The following SPTAN1 variants were observed in gnomAD, a reference collection of about 807,000 sequenced individuals.
SPTAN1 encodes spectrin alpha chain, non-erythrocytic 1.
SPTAN1 carries 61 observed loss-of-function variants against 331.3 expected under a neutral mutation model. That is an observed-to-expected ratio of 0.18 (90% CI 0.15 to 0.23). SPTAN1 has a LOEUF of 0.23. SPTAN1 is among the 10% of genes least tolerant of loss of function. SPTAN1 has a pLI of 1.00. For synonymous variants in SPTAN1, 1,153 were observed against 1,173.9 expected, an observed-to-expected ratio of 0.98 and a Z score of 0.36; for missense variants, 2,043 against 3,147.9, an observed-to-expected ratio of 0.65 and a Z score of 8.40.
intron 32 of SPTAN1, 58 bp from the exon 33 acceptor site, chr9:128,607,794 T>A: frequency 6.2e-7 from 1 of 1,611,950 alleles, no homozygotes; most frequent in South Asian, 1.1e-5. Flanking sequence ...GAGTCGGTGG[T>A]TGACGTCAGA....
At chr9:128,599,151 T>C (rs1234973683) in intron 26 of SPTAN1, 165 bp downstream of exon 26, 9 of 757,572 alleles carry the variant, frequency 1.2e-5, no homozygotes, top group Non-Finnish European at 1.9e-5. Flanking sequence ...TTCTTTTTTT[T>C]TGAGACGGAG....
At chr9:128,615,399 G>A (rs1189952958) in intron 40 of SPTAN1, among the ~76,000 whole-genome samples, 1 of 152,058 alleles carries the variant, frequency 6.6e-6, no homozygotes, top group East Asian at 1.9e-4. Context: ...GCACCAGCAT[G>A]TCCCCTCCTC....
chr9:128,567,437 G>A (rs981933773), intron 2 of SPTAN1, among the ~76,000 whole-genome samples: 6 of 151,900 alleles, frequency 3.9e-5, no homozygotes, highest in African/African-American at 7.3e-5. Flanking sequence ...GATTACAGGC[G>A]CCTGCCACTG....
Position 128,566,922 on chromosome 9 carries a change from A to G in SPTAN1, c.182A>G (p.Gln61Arg). Residue 61 changes from glutamine (Q) to arginine (R), a missense_variant, in exon 2 of 57, where the codon CAG becomes CGG. Physicochemically the swap from Gln to Arg is conservative, Grantham distance 43. This residue lies in a region of SPTAN1 where 1,038 missense variants were observed against 1,531.5 expected (regional missense o/e 0.68). Coordinates refer to ENST00000372739, the MANE Select transcript of SPTAN1 (RefSeq NM_001130438.3). ...RDAEELEKWI[Q>R]EKLQIASDEN... ...GCTGAAGAGCTGGAGAAATGGATAC[A>G]GGAAAAACTTCAGATTGCATCTGAT... 6.2e-7 allele frequency: 1 copy of G among 1,614,236 alleles called. No homozygotes were observed. The highest frequency in any genetic ancestry group is 8.5e-7 in the Non-Finnish European group (1 of 1,180,038).
chr9:128,627,912 C>A lies in SPTAN1; in HGVS notation c.6690-13C>A. 6.2e-7 allele frequency: 1 copy of A among 1,614,190 alleles called. No homozygotes were observed. Among genetic ancestry groups the A allele is most frequent in the Non-Finnish European group, 8.5e-7 (1 of 1,180,012 alleles). ...CACCTTGTCTCCCGGCTGCTTGGAT[C>A]TGCTCTCCACAGGACATACCTCCTC... On this transcript the variant is annotated splice_polypyrimidine_tract_variant and intron_variant, in intron 50 of 56. Coordinates refer to ENST00000372739, the MANE Select transcript of SPTAN1 (RefSeq NM_001130438.3). The surrounding 1 kb of genome is among the most constrained non-coding windows in gnomAD (Gnocchi z 4.9).
At chr9:128,563,479 G>C (rs1849652254) in intron 1 of SPTAN1, among the ~76,000 whole-genome samples, 1 of 152,160 alleles carries the variant, frequency 6.6e-6, no homozygotes, top group Non-Finnish European at 1.5e-5. Context: ...TCCAAGATTG[G>C]TAATTCAGAT....
chr9:128,587,614 G>C lies in SPTAN1; in HGVS notation c.2787G>C (p.Leu929=). The change falls in exon 20 of 57, where the codon CTG becomes CTC. Residue 929 remains leucine, a synonymous_variant. Transcript: ENST00000372739. ...GKDEDSAEAL[L]KKHEALMSDL... ...TGTGGTTTTGGTTTCAGGCTCTACT[G>C]AAGAAACACGAAGCTTTGATGTCAG... 1 of 1,613,744 alleles carries C rather than the reference G, an allele frequency of 6.2e-7. No homozygotes were observed. Among genetic ancestry groups the C allele is most frequent in the Non-Finnish European group, 8.5e-7 (1 of 1,179,968 alleles).
chr9:128,629,852 G>T lies in SPTAN1; in HGVS notation c.6708-469G>T. ...CGTGCTCTCATTCCCCCTAGAATGGGGCTCCCTCCCTCAGGAACCTTGCCG... is the reference window on the plus strand; with the variant it reads ...CGTGCTCTCATTCCCCCTAGAATGGTGCTCCCTCCCTCAGGAACCTTGCCG... On this transcript the variant is annotated intron_variant, in intron 51 of 56. Transcript: ENST00000372739. This position sits in a 1 kb window ranked among gnomAD's most constrained non-coding sequence, Gnocchi z 4.9. The T allele has an allele frequency of 3.1e-6, 1 of 320,084 alleles. No individual in the cohort carries two copies. Among genetic ancestry groups the T allele is most frequent in the East Asian group, 8.0e-5 (1 of 12,474 alleles). 19.8% of individuals were successfully genotyped at this position (320,084 alleles called of 1,614,324 possible). A position where few individuals can be genotyped will look rare whatever the true frequency, so the allele number is the denominator to read the frequency against.
chr9:128,561,140 CG>C (rs765268035), intron 1 of SPTAN1, among the ~76,000 whole-genome samples: 71 of 151,418 alleles, frequency 4.7e-4, no homozygotes, highest in Admixed American at 7.2e-4. Flanking sequence ...GAGGCCGAGG[CG>C]GGCGGACCAC....
intron 56 of SPTAN1, 116 bp downstream of exon 56, chr9:128,633,071 A>G (rs1860067085): frequency 6.3e-7 from 1 of 1,593,192 alleles, no homozygotes; most frequent in Admixed American, 1.7e-5. Flanking sequence ...CCATTTACAA[A>G]TCAAACTCAG....
At position 128,615,738 on chromosome 9, in the gene SPTAN1, A is replaced by G; in HGVS notation, c.5255A>G (p.Gln1752Arg). ...AGGGACACCATCAACGGGCGCTTCCAGAAGATCAAGAGCATGGCGGCCTCC... is the reference window on the plus strand; with the variant it reads ...AGGGACACCATCAACGGGCGCTTCCGGAAGATCAAGAGCATGGCGGCCTCC... ...DKRDTINGRF[Q>R]KIKSMAASRR... The change falls in exon 41 of 57, where the codon CAG becomes CGG. Residue 1752 changes from glutamine (Q) to arginine (R), a missense_variant. Around this residue, in one of 12 missense-constraint regions of SPTAN1, gnomAD observed 323 missense variants for 581.1 expected, o/e 0.56. Transcript: ENST00000372739. The G allele has an allele frequency of 6.2e-7, 1 of 1,614,244 alleles. No homozygotes were observed. Among genetic ancestry groups the G allele is most frequent in the Non-Finnish European group, 8.5e-7 (1 of 1,180,040 alleles).
intron 1 of SPTAN1, chr9:128,555,253 C>A: frequency 1.2e-6 from 1 of 848,794 alleles, no homozygotes; most frequent in Admixed American, 2.8e-5. Context: ...GATTTTTAAT[C>A]TGTATTCATA....
Position 128,581,874 on chromosome 9 carries a change from C to T in SPTAN1, c.1554C>T (p.Ala518=). The T allele has an allele frequency of 6.2e-7, 1 of 1,612,938 alleles. No homozygotes were observed. The highest frequency in any genetic ancestry group is 8.5e-7 in the Non-Finnish European group (1 of 1,179,052). Residue 518 remains alanine (A), a synonymous_variant, in exon 12 of 57, where the codon GCC becomes GCT. Coordinates refer to ENST00000372739, the MANE Select transcript of SPTAN1 (RefSeq NM_001130438.3). Reference sequence around the variant, plus strand: ...AAGACTTTGAGAAATCCCTTAGTGCCCAGGAGGAAAAGATTACAGTAAGAC... The same window carrying T: ...AAGACTTTGAGAAATCCCTTAGTGCTCAGGAGGAAAAGATTACAGTAAGAC... ...KHEDFEKSLS[A]QEEKITALDE...
chr9:128,580,291 T>A (rs903306587), intron 10 of SPTAN1, among the ~76,000 whole-genome samples: 3 of 150,874 alleles, frequency 2.0e-5, no homozygotes, highest in South Asian at 4.2e-4. Flanking sequence ...TAAAAAAAAA[T>A]AAATAAATAA....
At chr9:128,571,095 C>T (rs1319025075) in intron 3 of SPTAN1, among the ~76,000 whole-genome samples, 2 of 152,072 alleles carry the variant, frequency 1.3e-5, no homozygotes, top group South Asian at 4.1e-4. Context: ...CAAAACCAGC[C>T]TGGGCAACAT....
intron 1 of SPTAN1, among the ~76,000 whole-genome samples, chr9:128,563,810 A>AT (rs1386642042): frequency 7.5e-5 from 11 of 147,444 alleles, no homozygotes; most frequent in African/African-American, 2.0e-4. Flanking sequence ...TGCCTGGATA[A>AT]TTTTTTTTTT....
chr9:128,584,342 G>A lies in SPTAN1; in HGVS notation c.2254G>A (p.Ala752Thr). Reference sequence around the variant, plus strand: ...GTTCCAAGATGCTGGCCATTTTGATGCAGAAAACATCAAGAAGAAACAGGA... The same window carrying A: ...GTTCCAAGATGCTGGCCATTTTGATACAGAAAACATCAAGAAGAAACAGGA... ...RQFQDAGHFD[A>T]ENIKKKQEAL... Residue 752 changes from alanine to threonine, a missense_variant, in exon 17 of 57, where the codon GCA becomes ACA. Around this residue, in one of 12 missense-constraint regions of SPTAN1, gnomAD observed 1,038 missense variants for 1,531.5 expected, o/e 0.68. Coordinates refer to ENST00000372739, the MANE Select transcript of SPTAN1 (RefSeq NM_001130438.3). The A allele has an allele frequency of 6.2e-7, 1 of 1,614,202 alleles. No homozygotes were observed.
chr9:128,605,012 C>T (rs1405370436), intron 29 of SPTAN1, 22 bp from the exon 30 acceptor site: 4 of 1,613,834 alleles, frequency 2.5e-6, no homozygotes, highest in East Asian at 2.2e-5. Flanking sequence ...CATTTCTTAA[C>T]CTGAATGTGT....
intron 45 of SPTAN1, among the ~76,000 whole-genome samples, chr9:128,624,095 A>G (rs1858358331): frequency 3.9e-5 from 4 of 101,672 alleles, no homozygotes; most frequent in African/African-American, 1.5e-4. Context: ...TCAAAAAAAA[A>G]AAAAAAAAAA....
Sources: gnomAD v4.1 joint callset for allele counts (sites outside exome capture counted in the v4.1 genomes callset) on GRCh38, gnomAD v4.1.1 for gene constraint, gnomAD v4.1.1 regional missense constraint, Gnocchi (gnomAD v3.1) non-coding constraint, MANE v1.5 for transcripts, NCBI Gene and HGNC (gene_info 2026-07-23, HGNC 2026-07-21) for gene names.